Variants in KALRN observed in about 807,000 individuals in gnomAD.
KALRN encodes the protein kalirin RhoGEF kinase, also known as kalirin.
A neutral mutation model predicts 353.7 loss-of-function variants in KALRN; 70 were observed. The ratio of observed to expected loss-of-function variants is 0.20; its 90% CI spans 0.16 to 0.24. KALRN has a LOEUF of 0.24. KALRN is among the 10% of genes least tolerant of loss of function. The probability of loss-of-function intolerance (pLI) is 1.00; values close to 1 mark genes in which losing one functional copy is unlikely to be tolerated. For synonymous variants in KALRN, 1,391 were observed against 1,434.8 expected (o/e 0.97, Z 0.69); for missense variants, 2,791 against 3,756.7 (o/e 0.74, Z 6.72).
intron 34 of KALRN, among the ~76,000 whole-genome samples, chr3:124,596,747 A>G (rs1169490504): frequency 2.0e-5 from 3 of 152,124 alleles, no homozygotes; most frequent in Non-Finnish European, 4.4e-5. Flanking sequence ...GATTATTACT[A>G]TCATTAATAA....
At position 124,725,000 on chromosome 3, in the gene KALRN, G is replaced by T. The variant is rs570894194; in HGVS notation, c.*5530G>T. On this transcript the variant is annotated 3_prime_UTR_variant, in exon 60 of 60. Transcript: ENST00000682506. ...GATAACTGCTATTTCAGATAGTGAG[G>T]TTAGCTGAGAAAAGGAAGCATGGTA... is the stretch of plus-strand genomic sequence containing the variant. 6.6e-5 allele frequency: 10 copies of T among 152,326 alleles called. No homozygotes were observed. The highest frequency in any genetic ancestry group is 2.4e-4 in the African/African-American group (10 of 41,574). The allele number at this position is 152,326 out of a possible 1,614,324, so 9.4% of individuals were successfully genotyped here.
intron 5 of KALRN, among the ~76,000 whole-genome samples, chr3:124,287,300 T>C (rs1402055641): frequency 5.9e-5 from 9 of 152,154 alleles, no homozygotes; most frequent in Admixed American, 3.9e-4. Flanking sequence ...GTCCTGCATA[T>C]GCAAAGCTTG....
At chr3:124,696,106 C>A (rs1323797070) in intron 53 of KALRN, 28 bp from the exon 54 acceptor site, 2 of 1,612,012 alleles carry the variant, frequency 1.2e-6, no homozygotes, top group African/African-American at 2.7e-5. Flanking sequence ...TTACTGGAGT[C>A]TGAAGAGCAT....
At chr3:124,464,081 A>G (rs1231411255) in intron 25 of KALRN, among the ~76,000 whole-genome samples, 4 of 152,206 alleles carry the variant, frequency 2.6e-5, no homozygotes, top group Non-Finnish European at 5.9e-5. Context: ...CTATTTGACC[A>G]TTGATCCCAA....
intron 6 of KALRN, among the ~76,000 whole-genome samples, chr3:124,302,037 A>G (rs1580708942): frequency 2.0e-5 from 3 of 152,232 alleles, no homozygotes; most frequent in African/African-American, 7.2e-5. Context: ...AGAGAAATGT[A>G]TGCATAAACA....
At position 124,413,514 on chromosome 3, in the gene KALRN, G is replaced by A; in HGVS notation, c.2391G>A (p.Gln797=). Reference sequence around the variant, plus strand: ...CCTGGAATGAAGACTTGCTTCGGCAGATGAATGACTTCAACACAGAGGACC... The same window carrying A: ...CCTGGAATGAAGACTTGCTTCGGCAAATGAATGACTTCAACACAGAGGACC... ...LDAWNEDLLR[Q]MNDFNTEDLT... is the part of the protein sequence containing the mutation. The change falls in exon 14 of 60, where the codon CAG becomes CAA. Residue 797 remains glutamine (Q), a synonymous_variant. Transcript: ENST00000682506. 6.2e-7 allele frequency: 1 copy of A among 1,614,204 alleles called. No individual in the cohort carries two copies. The highest frequency in any genetic ancestry group is 1.1e-5 in the South Asian group (1 of 91,076).
At chr3:124,129,697 A>G (rs942735229) in intron 1 of KALRN, among the ~76,000 whole-genome samples, 2 of 152,188 alleles carry the variant, frequency 1.3e-5, no homozygotes, top group African/African-American at 4.8e-5. Context: ...GTCGCCTTCA[A>G]TCACCCATTC....
chr3:124,413,987 T>A (rs1402604285), intron 14 of KALRN, among the ~76,000 whole-genome samples: 1 of 151,754 alleles, frequency 6.6e-6, no homozygotes, highest in Non-Finnish European at 1.5e-5. Flanking sequence ...ATGCCTATAA[T>A]CCCAGCTACT....
chr3:124,121,878 A>G (rs894914225), intron 1 of KALRN, among the ~76,000 whole-genome samples: 12 of 152,348 alleles, frequency 7.9e-5, no homozygotes, highest in African/African-American at 2.4e-4. Context: ...GTTAGCAGAC[A>G]CTCAGAAAAA....
intron 33 of KALRN, among the ~76,000 whole-genome samples, chr3:124,529,785 G>A (rs1050239596): frequency 4.0e-5 from 6 of 150,922 alleles, no homozygotes; most frequent in Non-Finnish European, 8.8e-5. Flanking sequence ...ATGGAAAATG[G>A]GAAGATGGAA....
Position 124,139,833 on chromosome 3 carries a change from T to G in KALRN, c.74-88157T>G, listed in dbSNP as rs551274204. On this transcript the variant is annotated intron_variant, in intron 1 of 59. Transcript: ENST00000682506. The stretch of plus-strand genomic sequence containing the variant: ...CTTAGGTGAGCAACAAGGGGGGATT[T>G]TGTATCATCTGAAAGGGCTTCCTGG... 1.6e-4 allele frequency among the ~76,000 whole-genome samples: 24 copies of G among 152,206 alleles called. No homozygotes were observed. In the East Asian group the frequency reaches 4.6e-3, roughly 29 times the overall value.
intron 34 of KALRN, among the ~76,000 whole-genome samples, chr3:124,587,123 G>C (rs1189860178): frequency 7.2e-5 from 11 of 152,230 alleles, no homozygotes; most frequent in Admixed American, 2.6e-4. Context: ...CTCAAGTGGA[G>C]GGTGTGCACT....
chr3:124,189,425 A>C lies in KALRN; in HGVS notation c.74-38565A>C, dbSNP rs188008152. Among the ~76,000 whole-genome samples the C allele has an allele frequency of 6.6e-4, 100 of 152,332 alleles. 1 individual carries two copies. Among genetic ancestry groups the C allele is most frequent in the Middle Eastern group, 3.4e-3 (1 of 294 alleles). ...ATTCCAGGAGTTTTGAAAAAGGGAC[A>C]TGAAGGCAGCAAGTGGAAATACCCC... On this transcript the variant is annotated intron_variant, in intron 1 of 59. Coordinates refer to ENST00000682506, the MANE Select transcript of KALRN (RefSeq NM_001388419.1).
chr3:124,169,169 G>A (rs781665777), intron 1 of KALRN, among the ~76,000 whole-genome samples: 1 of 152,194 alleles, frequency 6.6e-6, no homozygotes, highest in Non-Finnish European at 1.5e-5. Flanking sequence ...AGTGGTGGAA[G>A]GCTTTGCACA....
chr3:124,618,860 G>A (rs977049980), intron 34 of KALRN, among the ~76,000 whole-genome samples: 96 of 152,154 alleles, frequency 6.3e-4, no homozygotes, highest in African/African-American at 1.7e-4. Context: ...TGATGTCTTC[G>A]TAGGCGAGTG....
At chr3:124,345,455 G>A (rs572170074) in intron 9 of KALRN, among the ~76,000 whole-genome samples, 4 of 152,184 alleles carry the variant, frequency 2.6e-5, no homozygotes, top group Non-Finnish European at 4.4e-5. Context: ...CTAGAGAAAC[G>A]CAGGCTCTTC....
At chr3:124,655,567 G>C (rs2083917989) in intron 38 of KALRN, 34 bp from the exon 39 acceptor site, 2 of 1,569,586 alleles carry the variant, frequency 1.3e-6, no homozygotes, top group Non-Finnish European at 1.8e-6. Flanking sequence ...TAACAATGAA[G>C]AGGAACACTC....
chr3:124,420,080 A>G (rs1260363388), intron 14 of KALRN, among the ~76,000 whole-genome samples: 1 of 152,254 alleles, frequency 6.6e-6, no homozygotes, highest in Non-Finnish European at 1.5e-5. Context: ...TCCATCCACA[A>G]CATGATGTGT....
Position 124,697,620 on chromosome 3 carries a change from T to A in KALRN, c.7727T>A (p.Ile2576Asn). The change falls in exon 55 of 60, where the codon ATT becomes AAT. Residue 2576 changes from isoleucine to asparagine, a missense_variant. Physicochemically the swap from Ile to Asn is moderately radical, Grantham distance 149. Coordinates refer to ENST00000682506, the MANE Select transcript of KALRN (RefSeq NM_001388419.1). ...GTTCCAGCAGCCCCTAACCGCCCCA[T>A]TGCCCAGGAGAGAAGCTGCACCTCC... is the stretch of plus-strand genomic sequence containing the variant. ...QGVPAAPNRP[I>N]AQERSCTSVI... 1 of 1,611,564 alleles carries A rather than the reference T, an allele frequency of 6.2e-7. No homozygotes were observed. Among genetic ancestry groups the A allele is most frequent in the Non-Finnish European group, 8.5e-7 (1 of 1,179,300 alleles).
Sources: allele counts gnomAD v4.1 joint callset (sites outside exome capture counted in the v4.1 genomes callset), GRCh38; gene constraint gnomAD v4.1.1; transcripts MANE v1.5; gene names NCBI Gene and HGNC (gene_info 2026-07-23, HGNC 2026-07-21).